The following BICD1 variants were observed in gnomAD, a reference collection of about 807,000 sequenced individuals.
BICD1 encodes the protein protein bicaudal D homolog 1.
Under a neutral mutation model 92.5 loss-of-function variants are expected in BICD1, and 35 were observed. The observed-to-expected ratio is 0.38, with a 90% CI of 0.29 to 0.50. BICD1 has a LOEUF of 0.50. BICD1 is among the 20% of genes least tolerant of loss of function. The pLI, the probability that BICD1 is intolerant of heterozygous loss-of-function variation, is 0.93. For synonymous variants in BICD1, 429 were observed against 465.1 expected, an observed-to-expected ratio of 0.92 and a Z score of 1.00; for missense variants, 950 against 1,189.8, an observed-to-expected ratio of 0.80 and a Z score of 2.97.
chr12:32,133,926 C>T (rs899880785), intron 1 of BICD1, among the ~76,000 whole-genome samples: 2 of 151,888 alleles, frequency 1.3e-5, no homozygotes, highest in African/African-American at 2.4e-5. Context: ...GGACTACAGG[C>T]GCCTGCCACC....
intron 2 of BICD1, among the ~76,000 whole-genome samples, chr12:32,255,227 T>TCCATCAGGCCACTGATC (rs1236169560): frequency 6.6e-6 from 1 of 152,130 alleles, no homozygotes; most frequent in Admixed American, 6.5e-5. Context: ...AGGCACTGAT[T>TCCATCAGGCCACTGATC]CCATCAGGCC....
chr12:32,374,696 T>C (rs1253223870), intron 9 of BICD1, among the ~76,000 whole-genome samples: 5 of 147,724 alleles, frequency 3.4e-5, no homozygotes, highest in East Asian at 2.0e-4. Flanking sequence ...GCCTCCTGAG[T>C]AGCTGGGATT....
In BICD1 at chr12:32,264,215, C is replaced by T. The variant is rs1032234968; in HGVS notation, c.427-29779C>T. On this transcript the variant is annotated intron_variant, in intron 2 of 9. Coordinates refer to ENST00000652176, the MANE Select transcript of BICD1 (RefSeq NM_001714.4). ...ATACTTAGAACATTACTTGCATGTA[C>T]GGATTCAATAAATCTTAAATATTGT... 5.9e-5 allele frequency among the ~76,000 whole-genome samples: 9 copies of T among 152,108 alleles called. No homozygotes were observed. The South Asian group carries it at 6.2e-4, about 11-fold the overall frequency.
In BICD1 at chr12:32,144,384, G is replaced by A. The variant is rs147714894; in HGVS notation, c.213+36840G>A. Among the ~76,000 whole-genome samples, 92 of 152,152 alleles carry A rather than the reference G, an allele frequency of 6.0e-4. 3 individuals are homozygous for A. The East Asian group carries it at 0.011, about 18-fold the overall frequency. ...GGACAGTAGGGACAGTGGCTTTTTC[G>A]CTAATGAAATCTAAGATTTTTCCTT... On this transcript the variant is annotated intron_variant, in intron 1 of 9. Transcript: ENST00000652176.
chr12:32,328,507 A>G lies in BICD1; in HGVS notation c.2052A>G (p.Lys684=). Residue 684 remains lysine (K), a synonymous_variant, in exon 5 of 10, where the codon AAA becomes AAG. Transcript: ENST00000652176. This position sits in a 1 kb window ranked among gnomAD's most constrained non-coding sequence, Gnocchi z 4.4. The stretch of plus-strand genomic sequence containing the variant: ...AGCTAAAGTCCCTGCTGAGCACCAA[A>G]CGGGAGCAGATCGCCACATTGAGGG... ...ILKLKSLLST[K]REQIATLRAV... The G allele has an allele frequency of 6.2e-7, 1 of 1,614,060 alleles. No homozygotes were observed.
intron 2 of BICD1, among the ~76,000 whole-genome samples, chr12:32,248,667 C>G (rs553312083): frequency 6.6e-6 from 1 of 152,112 alleles, no homozygotes; most frequent in Non-Finnish European, 1.5e-5. Context: ...AGCTGGGGAG[C>G]CCAAGATGCA....
chr12:32,376,380 C>A (rs778018578), intron 9 of BICD1, among the ~76,000 whole-genome samples: 8 of 152,030 alleles, frequency 5.3e-5, no homozygotes, highest in Admixed American at 2.6e-4. Context: ...AGCCACCGCG[C>A]CCGGCCGCTA....
intron 1 of BICD1, among the ~76,000 whole-genome samples, chr12:32,178,592 C>T (rs1944185745): frequency 6.6e-6 from 1 of 151,972 alleles, no homozygotes; most frequent in South Asian, 2.1e-4. Flanking sequence ...CTGTGATTTA[C>T]AGCACTAAGC....
chr12:32,346,657 T>TAC (rs1555171288), intron 8 of BICD1, among the ~76,000 whole-genome samples: 194 of 14,778 alleles, frequency 0.013, 51 homozygotes, highest in South Asian at 0.026. Context: ...TATATATATA[T>TAC]ACACACACAC....
chr12:32,349,101 C>T lies in BICD1; in HGVS notation c.2764+10122C>T, dbSNP rs890512493. ...CTGTAACATTCCCTTGCCTTCATAT[C>T]CCAAAGCTCTGCAAGCAAAGAAGAG... On this transcript the variant is annotated intron_variant, in intron 8 of 9. Transcript: ENST00000652176. Among the ~76,000 whole-genome samples, 7 of 152,110 alleles carry T rather than the reference C, an allele frequency of 4.6e-5. No individual in the cohort carries two copies. The South Asian group carries it at 8.3e-4, about 18-fold the overall frequency.
chr12:32,173,114 C>T (rs369510486), intron 1 of BICD1, among the ~76,000 whole-genome samples: 2 of 151,876 alleles, frequency 1.3e-5, no homozygotes, highest in African/African-American at 2.4e-5. Context: ...GTGGCACGAT[C>T]GTGGATCACT....
At chr12:32,333,038 C>T in intron 5 of BICD1, 1 of 985,364 alleles carries the variant, frequency 1.0e-6, no homozygotes, top group Non-Finnish European at 1.2e-6. Context: ...TTGTCACAAA[C>T]AATAAATGAT....
chr12:32,294,637 A>G (rs1264569122), intron 3 of BICD1, among the ~76,000 whole-genome samples: 1 of 150,392 alleles, frequency 6.6e-6, no homozygotes, highest in East Asian at 1.9e-4. Flanking sequence ...AAAAAAAAAA[A>G]AAAAAAAAGC....
chr12:32,325,521 A>G (rs1015602183), intron 4 of BICD1, among the ~76,000 whole-genome samples: 6 of 152,182 alleles, frequency 3.9e-5, no homozygotes, highest in African/African-American at 1.4e-4. Context: ...AAACTTACCC[A>G]TATCAGAACC....
intron 2 of BICD1, among the ~76,000 whole-genome samples, chr12:32,279,861 A>G (rs1306747549): frequency 6.6e-6 from 1 of 152,222 alleles, no homozygotes; most frequent in African/African-American, 2.4e-5. Flanking sequence ...GCACTTTGGG[A>G]GGCTGAGGCG....
intron 2 of BICD1, among the ~76,000 whole-genome samples, chr12:32,258,680 G>A (rs761289726): frequency 3.9e-5 from 6 of 152,170 alleles, no homozygotes; most frequent in Non-Finnish European, 5.9e-5. Flanking sequence ...TCATAGGACA[G>A]GGGGCCCTTC....
intron 1 of BICD1, among the ~76,000 whole-genome samples, chr12:32,173,835 A>C (rs2121517409): frequency 6.6e-6 from 1 of 152,362 alleles, no homozygotes; most frequent in South Asian, 2.1e-4. Flanking sequence ...AATTCAGTCA[A>C]CATTTTTTGG....
At chr12:32,147,873 ACAC>A (rs1195820415) in intron 1 of BICD1, among the ~76,000 whole-genome samples, 12 of 152,126 alleles carry the variant, frequency 7.9e-5, no homozygotes, top group South Asian at 2.1e-4. Context: ...GTGCTGTGGC[ACAC>A]GCCTAAAATT....
intron 2 of BICD1, among the ~76,000 whole-genome samples, chr12:32,276,656 A>T (rs1947283479): frequency 6.9e-6 from 1 of 145,130 alleles, no homozygotes; most frequent in Admixed American, 7.0e-5. Context: ...TCACTCTATT[A>T]AATCTTGCAA....
Sources: allele counts gnomAD v4.1 joint callset (sites outside exome capture counted in the v4.1 genomes callset), GRCh38; gene constraint gnomAD v4.1.1; non-coding constraint Gnocchi (gnomAD v3.1); transcripts MANE v1.5; gene names NCBI Gene and HGNC (gene_info 2026-07-23, HGNC 2026-07-21).